ADGRL3: variants seen among roughly 807,000 people sequenced by gnomAD.
ADGRL3 encodes the protein adhesion G protein-coupled receptor L3, also known as calcium-independent alpha-latrotoxin receptor 3.
A neutral mutation model predicts 153.5 loss-of-function variants in ADGRL3; 62 were observed. The observed-to-expected ratio is 0.40, with a 90% CI of 0.33 to 0.50. The LOEUF (loss-of-function observed/expected upper bound fraction) is 0.50, where lower values mean the gene tolerates loss of function less well. Among genes scored for constraint, ADGRL3 ranks in the 20% least tolerant of loss-of-function variants. The pLI, the probability that ADGRL3 is intolerant of heterozygous loss-of-function variation, is 0.47. For missense variants in ADGRL3, 1,641 were observed against 1,859.4 expected (o/e 0.88, Z 2.16); for synonymous variants, 710 against 672.5 (o/e 1.06, Z -0.86).
At chr4:61,620,855 G>A (rs1303441373) in intron 5 of ADGRL3, among the ~76,000 whole-genome samples, 2 of 151,606 alleles carry the variant, frequency 1.3e-5, no homozygotes, top group African/African-American at 2.4e-5. Flanking sequence ...TGGCCAGGAT[G>A]GTCTCCATCT....
intron 2 of ADGRL3, among the ~76,000 whole-genome samples, chr4:61,436,213 A>G (rs947592132): frequency 1.3e-5 from 2 of 152,138 alleles, no homozygotes; most frequent in African/African-American, 2.4e-5. Context: ...TGGGCAAGTT[A>G]TTTCTAAAGA....
intron 3 of ADGRL3, among the ~76,000 whole-genome samples, chr4:61,505,861 A>T (rs528256493): frequency 1.3e-5 from 2 of 152,168 alleles, no homozygotes; most frequent in African/African-American, 4.8e-5. Flanking sequence ...TCAGCAGAGA[A>T]CCTGGTGTTT....
intron 5 of ADGRL3, among the ~76,000 whole-genome samples, chr4:61,593,169 A>G (rs543221075): frequency 6.6e-6 from 1 of 152,062 alleles, no homozygotes; most frequent in Non-Finnish European, 1.5e-5. Flanking sequence ...ACTTTTTAAC[A>G]TTTTGTTGTT....
chr4:61,325,563 ATACT>A (rs1199513332), intron 1 of ADGRL3, among the ~76,000 whole-genome samples: 26 of 152,236 alleles, frequency 1.7e-4, no homozygotes, highest in African/African-American at 4.6e-4. Flanking sequence ...CATTTAGCAA[ATACT>A]TACTGAGCAT....
rs1746266305 is a variant in ADGRL3, at chr4:62,073,451, A to C, written c.*2543A>C. ...ATACATAGAATACATTTGGCAATAA[A>C]AGAATCCTTTTTAGATGTGTTTATG... is the stretch of plus-strand genomic sequence containing the variant. On this transcript the variant is annotated 3_prime_UTR_variant, in exon 27 of 27. Coordinates refer to ENST00000683033, the MANE Select transcript of ADGRL3 (RefSeq NM_001387552.1). 6.6e-6 allele frequency: 1 copy of C among 152,130 alleles called. No individual in the cohort carries two copies. The highest frequency in any genetic ancestry group is 6.5e-5 in the Admixed American group (1 of 15,272). The allele number at this position is 152,130 out of a possible 1,614,324, so 9.4% of individuals were successfully genotyped here.
chr4:61,429,361 T>G (rs556778436), intron 2 of ADGRL3, among the ~76,000 whole-genome samples: 1 of 152,206 alleles, frequency 6.6e-6, no homozygotes, highest in Non-Finnish European at 1.5e-5. Context: ...AAAGCAAACT[T>G]AAAAGTTAAA....
chr4:61,495,471 GAGGA>G (rs145813008), intron 2 of ADGRL3, among the ~76,000 whole-genome samples: 65 of 150,332 alleles, frequency 4.3e-4, no homozygotes, highest in Admixed American at 6.7e-4. Flanking sequence ...AGGGAGGGAG[GAGGA>G]AGGAAGGAAG....
chr4:61,316,014 C>A (rs1226307779), intron 1 of ADGRL3, among the ~76,000 whole-genome samples: 1 of 152,074 alleles, frequency 6.6e-6, no homozygotes, highest in African/African-American at 2.4e-5. Context: ...GTTCCATGTT[C>A]TCATGAAGCT....
rs149575385 is a variant in ADGRL3 at position 61,272,820 on chromosome 4, T to C, written c.-240+71055T>C. ...TGTAATCAAATGCCTATCAAAATAC[T>C]TGATATTCCTGTATAAAACATGCTC... On this transcript the variant is annotated intron_variant, in intron 1 of 26. Coordinates refer to ENST00000683033, the MANE Select transcript of ADGRL3 (RefSeq NM_001387552.1). 1.9e-3 allele frequency among the ~76,000 whole-genome samples: 282 copies of C among 152,288 alleles called. 2 individuals are homozygous for C. Among genetic ancestry groups the C allele is most frequent in the Middle Eastern group, 0.01 (3 of 292 alleles).
intron 8 of ADGRL3, among the ~76,000 whole-genome samples, chr4:61,772,499 C>A (rs529961711): frequency 1.3e-5 from 2 of 152,186 alleles, no homozygotes; most frequent in South Asian, 4.1e-4. Flanking sequence ...AAGTTTTACA[C>A]GACATGAGAG....
At chr4:61,530,067 G>A (rs1014113564) in intron 4 of ADGRL3, among the ~76,000 whole-genome samples, 1 of 152,050 alleles carries the variant, frequency 6.6e-6, no homozygotes, top group African/African-American at 2.4e-5. Context: ...TTTTCAGTAT[G>A]ATGTATTTCC....
chr4:61,463,634 A>T (rs906046148), intron 2 of ADGRL3, among the ~76,000 whole-genome samples: 4 of 152,160 alleles, frequency 2.6e-5, no homozygotes, highest in Admixed American at 1.3e-4. Context: ...AAATGTGGCA[A>T]TCCTACTTTA....
intron 4 of ADGRL3, among the ~76,000 whole-genome samples, chr4:61,527,841 C>T (rs768808373): frequency 6.6e-6 from 1 of 152,102 alleles, no homozygotes; most frequent in Non-Finnish European, 1.5e-5. Context: ...CTAAGCATAA[C>T]TTAAAACCCT....
intron 9 of ADGRL3, among the ~76,000 whole-genome samples, chr4:61,857,010 T>TTCTA (rs2098280900): frequency 7.7e-6 from 1 of 130,698 alleles, no homozygotes; most frequent in African/African-American, 2.8e-5. Flanking sequence ...CTTTCTTTCT[T>TTCTA]TCTTTCCTTC....
At chr4:62,007,247 G>A (rs1470409935) in intron 21 of ADGRL3, among the ~76,000 whole-genome samples, 1 of 149,522 alleles carries the variant, frequency 6.7e-6, no homozygotes, top group Non-Finnish European at 1.5e-5. Context: ...TGAATCAAAT[G>A]ACCACTCCCG....
intron 11 of ADGRL3, among the ~76,000 whole-genome samples, chr4:61,901,068 A>G (rs191388004): frequency 2.0e-5 from 3 of 152,264 alleles, no homozygotes; most frequent in East Asian, 3.9e-4. Flanking sequence ...TTTCACTTCA[A>G]CTTTGGTGAT....
At chr4:61,765,284 T>G (rs966652680) in intron 8 of ADGRL3, among the ~76,000 whole-genome samples, 2 of 151,996 alleles carry the variant, frequency 1.3e-5, no homozygotes, top group Non-Finnish European at 2.9e-5. Context: ...GGGCACAGTC[T>G]AAGTTGGTCT....
intron 2 of ADGRL3, among the ~76,000 whole-genome samples, chr4:61,447,558 T>A (rs1335983161): frequency 1.3e-5 from 2 of 152,174 alleles, no homozygotes; most frequent in African/African-American, 4.8e-5. Flanking sequence ...GATTTTTGGA[T>A]AACAGACTGA....
chr4:61,988,022 A>T (rs1043929215), intron 19 of ADGRL3, among the ~76,000 whole-genome samples: 1 of 152,142 alleles, frequency 6.6e-6, no homozygotes, highest in East Asian at 1.9e-4. Context: ...GGTTAAATAA[A>T]TGCTATTTTG....
Sources: allele counts gnomAD v4.1 joint callset (sites outside exome capture counted in the v4.1 genomes callset), GRCh38; gene constraint gnomAD v4.1.1; transcripts MANE v1.5; gene names NCBI Gene and HGNC (gene_info 2026-07-23, HGNC 2026-07-21).